MUC5B: variants seen among roughly 807,000 people sequenced by gnomAD.
The protein encoded by MUC5B is mucin-5B.
Under a neutral mutation model 376.9 loss-of-function variants are expected in MUC5B, and 116 were observed. That is an observed-to-expected ratio of 0.31 (90% CI 0.26 to 0.36). The LOEUF (loss-of-function observed/expected upper bound fraction) is 0.36, where lower values mean the gene tolerates loss of function less well. MUC5B is among the 10% of genes least tolerant of loss of function. The pLI is 1.00. For missense variants in MUC5B, 7,165 were observed against 7,769.9 expected (o/e 0.92, Z 2.93); for synonymous variants, 3,517 against 3,390.9 (o/e 1.04, Z -1.29).
chr11:1,231,346 C>T, intron 13 of MUC5B, 77 bp from the exon 14 acceptor site: 1 of 1,499,024 alleles, frequency 6.7e-7, no homozygotes, highest in East Asian at 2.4e-5. Context: ...GCCCGGCCCA[C>T]TGGATGCCCT....
rs117345403 is a variant in MUC5B, at chr11:1,253,263, G to A, written c.15217+283G>A. Among the ~76,000 whole-genome samples, 3,529 of 152,232 alleles carry A rather than the reference G, an allele frequency of 0.023. 59 individuals are homozygous for A. Among genetic ancestry groups the A allele is most frequent in the Non-Finnish European group, 0.033 (2,229 of 68,010 alleles). On this transcript the variant is annotated intron_variant, in intron 33 of 48. Transcript: ENST00000529681. The surrounding 1 kb of genome is among the most constrained non-coding windows in gnomAD (Gnocchi z 4.3). ...TGAGAGCTGTTAGTATGCAGGCTCC[G>A]TGTCCACAGGGCTGAAAATGCTGAC...
In MUC5B at chr11:1,238,899, G is replaced by A; in HGVS notation, c.3326G>A (p.Cys1109Tyr). Reference protein sequence around the residue: ...QVDSTKYYEACVNDACACDSG... With the variant: ...QVDSTKYYEAYVNDACACDSG... Reference sequence around the variant, plus strand: ...GACTCCACCAAGTACTACGAGGCCTGCGTGAACGACGCGTGTGCCTGCGAC... The same window carrying A: ...GACTCCACCAAGTACTACGAGGCCTACGTGAACGACGCGTGTGCCTGCGAC... Residue 1109 changes from cysteine to tyrosine, a missense_variant, in exon 26 of 49, where the codon TGC (cysteine) becomes TAC (tyrosine). Transcript: ENST00000529681. 6.4e-7 allele frequency: 1 copy of A among 1,564,938 alleles called. No individual in the cohort carries two copies. The highest frequency in any genetic ancestry group is 1.2e-5 in the South Asian group (1 of 85,132).
rs1862610025 is a variant in MUC5B at position 1,249,648 on chromosome 11, A to G, written c.12768A>G (p.Thr4256=). The stretch of plus-strand genomic sequence containing the variant: ...GGATCCTCACAGAGCTGACCACAAC[A>G]GCCACTACGACTGCATCCACTGGAT... ...TTWILTELTT[T]ATTTASTGST... The change falls in exon 31 of 49, where the codon ACA becomes ACG. Residue 4256 remains threonine (T), a synonymous_variant. Coordinates refer to ENST00000529681, the MANE Select transcript of MUC5B (RefSeq NM_002458.3). 6.2e-7 allele frequency: 1 copy of G among 1,611,138 alleles called. No homozygotes were observed. Among genetic ancestry groups the G allele is most frequent in the African/African-American group, 1.3e-5 (1 of 74,512 alleles).
chr11:1,229,138 C>G (rs775921430), intron 8 of MUC5B, 32 bp from the exon 9 acceptor site: 1 of 1,548,586 alleles, frequency 6.5e-7, no homozygotes, highest in Non-Finnish European at 8.7e-7. Flanking sequence ...CAGGGCCCTT[C>G]CCCTGGCCCA....
Position 1,253,815 on chromosome 11 carries a change from T to A in MUC5B, c.15218-277T>A, listed in dbSNP as rs1000160299. On this transcript the variant is annotated intron_variant, in intron 33 of 48. Transcript: ENST00000529681. The surrounding 1 kb of genome is among the most constrained non-coding windows in gnomAD (Gnocchi z 4.3). ...TTGGATTGAGGGCCCACCCAGCTAG[T>A]CCACGATGATGTCATTTCAAGATGC... Among the ~76,000 whole-genome samples the A allele has an allele frequency of 6.6e-6, 1 of 152,216 alleles. No homozygotes were observed. The highest frequency in any genetic ancestry group is 1.5e-5 in the Non-Finnish European group (1 of 68,040).
chr11:1,229,110 C>G, intron 8 of MUC5B, 60 bp from the exon 9 acceptor site: 1 of 1,473,048 alleles, frequency 6.8e-7, no homozygotes, highest in Admixed American at 2.3e-5. Flanking sequence ...GCGGCTGGGG[C>G]TGACCACACG....
intron 3 of MUC5B, 105 bp from the exon 4 acceptor site, chr11:1,226,510 C>G (rs998032165): frequency 2.8e-6 from 4 of 1,447,858 alleles, no homozygotes; most frequent in East Asian, 2.5e-5. Context: ...AGCCAGCAGC[C>G]GACCATGGGC....
At chr11:1,239,750 A>G (rs1402196484) in intron 27 of MUC5B, 49 bp from the exon 28 acceptor site, 2 of 1,567,538 alleles carry the variant, frequency 1.3e-6, no homozygotes, top group African/African-American at 1.4e-5. Flanking sequence ...CCCTGGCTGG[A>G]GAGACTAAAG....
Position 1,240,910 on chromosome 11 carries a change from T to C in MUC5B, c.4030T>C (p.Tyr1344His). 1.2e-6 allele frequency: 2 copies of C among 1,612,792 alleles called. No individual in the cohort carries two copies. Among genetic ancestry groups the C allele is most frequent in the Non-Finnish European group, 1.7e-6 (2 of 1,179,808 alleles). Reference sequence around the variant, plus strand: ...CGAGGTCTGCCGCTGGTCCAGCTGGTACAATGGGCACCGCCCAGAGCCCGG... The same window carrying C: ...CGAGGTCTGCCGCTGGTCCAGCTGGCACAATGGGCACCGCCCAGAGCCCGG... The part of the protein sequence containing the change: ...VREVCRWSSW[Y>H]NGHRPEPGLG... The change falls in exon 31 of 49, where the codon TAC (tyrosine) becomes CAC (histidine). Residue 1344 changes from tyrosine to histidine, a missense_variant. Transcript: ENST00000529681.
At chr11:1,224,532 G>A (rs1462175181) in intron 1 of MUC5B, among the ~76,000 whole-genome samples, 13 of 144,586 alleles carry the variant, frequency 9.0e-5, no homozygotes, top group South Asian at 2.3e-4. Flanking sequence ...TGCCTGGGGC[G>A]GGGGAGGGGC....
chr11:1,242,643 A>C lies in MUC5B; in HGVS notation c.5763A>C (p.Gly1921=). Residue 1921 remains glycine, a synonymous_variant, in exon 31 of 49, where the codon GGA becomes GGC. Transcript: ENST00000529681. ...CAGCCACTACGACTGCGTCCACTGGATCCACGGCCACCCCGACCTCCACCC... is the reference window on the plus strand; with the variant it reads ...CAGCCACTACGACTGCGTCCACTGGCTCCACGGCCACCCCGACCTCCACCC... ...TTTATTTAST[G]STATPTSTLR... is the part of the protein sequence containing the mutation. 6 of 1,613,212 alleles carry C rather than the reference A, an allele frequency of 3.7e-6. No individual in the cohort carries two copies. Among genetic ancestry groups the C allele is most frequent in the Non-Finnish European group, 5.1e-6 (6 of 1,179,636 alleles).
At position 1,249,060 on chromosome 11, in the gene MUC5B, G is replaced by A; in HGVS notation, c.12180G>A (p.Gln4060=). The A allele has an allele frequency of 6.2e-7, 1 of 1,610,084 alleles. No homozygotes were observed. The highest frequency in any genetic ancestry group is 1.7e-5 in the Admixed American group (1 of 59,862). The change falls in exon 31 of 49, where the codon CAG becomes CAA. Residue 4060 remains glutamine (Q), a synonymous_variant. Coordinates refer to ENST00000529681, the MANE Select transcript of MUC5B (RefSeq NM_002458.3). Reference sequence around the variant, plus strand: ...CAGCAGCAACCACCGGTACCACCCAGCACTCGACTCCAGCCCTGTCCAGCC... The same window carrying A: ...CAGCAGCAACCACCGGTACCACCCAACACTCGACTCCAGCCCTGTCCAGCC... ...HTPAATTGTT[Q]HSTPALSSPH... is the part of the protein sequence containing the mutation.
chr11:1,250,584 G>C lies in MUC5B; in HGVS notation c.13704G>C (p.Thr4568=). The change falls in exon 31 of 49, where the codon ACG becomes ACC. Residue 4568 remains threonine, a synonymous_variant. Transcript: ENST00000529681. ...ACACCTCCACAGTGCTTACCGCCAC[G>C]GCCACCACAACCGGGGCCACCGGCT... ...TVHTSTVLTA[T]ATTTGATGSV... 7 of 1,596,792 alleles carry C rather than the reference G, an allele frequency of 4.4e-6. No homozygotes were observed. The highest frequency in any genetic ancestry group is 6.0e-6 in the Non-Finnish European group (7 of 1,167,894).
Position 1,241,591 on chromosome 11 carries a change from C to T in MUC5B, c.4711C>T (p.His1571Tyr). The T allele has an allele frequency of 6.2e-7, 1 of 1,612,226 alleles. No individual in the cohort carries two copies. Residue 1571 changes from histidine to tyrosine, a missense_variant, in exon 31 of 49, where the codon CAC becomes TAC. This residue lies in a region of MUC5B where 25 missense variants were observed against 46.5 expected (regional missense o/e 0.54). Transcript: ENST00000529681. Reference protein sequence around the residue: ...QVGQKVHCDVHFGLVCRNWEQ... With the variant: ...QVGQKVHCDVYFGLVCRNWEQ... ...GGGGCAGAAGGTGCACTGTGACGTC[C>T]ACTTCGGCCTGGTGTGCAGGAACTG... is the stretch of plus-strand genomic sequence containing the variant.
chr11:1,242,105 C>G lies in MUC5B; in HGVS notation c.5225C>G (p.Thr1742Ser). The G allele has an allele frequency of 6.2e-7, 1 of 1,613,144 alleles. No homozygotes were observed. Among genetic ancestry groups the G allele is most frequent in the Non-Finnish European group, 8.5e-7 (1 of 1,179,702 alleles). ...AGCACCGCTTCCAAAGAGCCGCTGA[C>G]CACGAGCCTGGCGCCAACACTCACG... ...TASTASKEPL[T>S]TSLAPTLTSE... The change falls in exon 31 of 49, where the codon ACC becomes AGC. Residue 1742 changes from threonine (T) to serine (S), a missense_variant. Coordinates refer to ENST00000529681, the MANE Select transcript of MUC5B (RefSeq NM_002458.3).
chr11:1,236,869 C>A (rs755674231), intron 24 of MUC5B, 56 bp from the exon 25 acceptor site: 136 of 1,398,370 alleles, frequency 9.7e-5, no homozygotes, highest in Non-Finnish European at 1.2e-4. Context: ...TGTGCTGCCT[C>A]CCACGGGTGC....
Position 1,261,459 on chromosome 11 carries a change from A to C in MUC5B, c.17140A>C (p.Thr5714Pro). 1 of 1,551,004 alleles carries C rather than the reference A, an allele frequency of 6.4e-7. No individual in the cohort carries two copies. Among genetic ancestry groups the C allele is most frequent in the Non-Finnish European group, 8.7e-7 (1 of 1,149,006 alleles). ...CCAGGAGAGGCGGGTCCACGAGGAG[A>C]CGGTGCCCTTGCACTGTCCTAACGG... ...CCQERRVHEE[T>P]VPLHCPNGSA... Residue 5714 changes from threonine to proline, a missense_variant, in exon 49 of 49, where the codon ACG (threonine) becomes CCG (proline). Thr to Pro is a conservative substitution (Grantham distance 38). Around this residue, in one of 31 missense-constraint regions of MUC5B, gnomAD observed 842 missense variants for 1,016.9 expected, o/e 0.83. Transcript: ENST00000529681.
rs1322088721 is a variant in MUC5B, at chr11:1,229,764, A to G, written c.1177A>G (p.Thr393Ala). ...GTGCCCCTGCACCCACGGCGGCCGCACCTACAGCCCGGGCACCTCCTTCAA... is the reference window on the plus strand; with the variant it reads ...GTGCCCCTGCACCCACGGCGGCCGCGCCTACAGCCCGGGCACCTCCTTCAA... ...GQCPCTHGGR[T>A]YSPGTSFNTT... The change falls in exon 10 of 49, where the codon ACC becomes GCC. Residue 393 changes from threonine (T) to alanine (A), a missense_variant. By Grantham distance (58) the Thr-to-Ala change is moderately conservative. This residue lies in a region of MUC5B where 640 missense variants were observed against 733.0 expected (regional missense o/e 0.87). Transcript: ENST00000529681. 6.2e-7 allele frequency: 1 copy of G among 1,601,720 alleles called. No homozygotes were observed. Among genetic ancestry groups the G allele is most frequent in the Admixed American group, 1.7e-5 (1 of 58,706 alleles).
At position 1,241,222 on chromosome 11, in the gene MUC5B, G is replaced by A. The variant is rs2133823515; in HGVS notation, c.4342G>A (p.Ala1448Thr). The A allele has an allele frequency of 6.3e-7, 1 of 1,592,548 alleles. No homozygotes were observed. Among genetic ancestry groups the A allele is most frequent in the Non-Finnish European group, 8.5e-7 (1 of 1,169,846 alleles). Residue 1448 changes from alanine to threonine, a missense_variant, in exon 31 of 49, where the codon GCC becomes ACC. Ala to Thr is a moderately conservative substitution (Grantham distance 58). Transcript: ENST00000529681. ...PGTSPQPSLS[A>T]STEPAVPTPT... is the part of the protein sequence containing the mutation. ...CACCAGCCCTCAGCCCTCCCTCAGT[G>A]CCAGCACGGAGCCTGCTGTGCCTAC...
Sources: allele counts gnomAD v4.1 joint callset (sites outside exome capture counted in the v4.1 genomes callset), GRCh38; gene constraint gnomAD v4.1.1; regional missense constraint gnomAD v4.1.1; non-coding constraint Gnocchi (gnomAD v3.1); transcripts MANE v1.5; gene names NCBI Gene and HGNC (gene_info 2026-07-23, HGNC 2026-07-21).